The following NEIL1 variants were observed in gnomAD, a reference collection of about 807,000 sequenced individuals.
NEIL1 encodes nei like DNA glycosylase 1.
In NEIL1, 31 loss-of-function variants were observed where a neutral mutation model predicts 44.2. The ratio of observed to expected loss-of-function variants is 0.70; its 90% CI spans 0.53 to 0.95. The LOEUF is 0.95. NEIL1 is among the 40% of genes least tolerant of loss of function. The probability of loss-of-function intolerance (pLI) is 0.00; values close to 1 mark genes in which losing one functional copy is unlikely to be tolerated. For synonymous variants in NEIL1, 254 were observed against 209.7 expected, an observed-to-expected ratio of 1.21 and a Z score of -1.83; for missense variants, 549 against 515.5, an observed-to-expected ratio of 1.07 and a Z score of -0.63.
rs1477522859 is a variant in NEIL1, at chr15:75,355,064, T to C, written c.*30T>C. 1.2e-6 allele frequency: 2 copies of C among 1,601,280 alleles called. No homozygotes were observed. Among genetic ancestry groups the C allele is most frequent in the South Asian group, 2.2e-5 (2 of 89,880 alleles). The stretch of plus-strand genomic sequence containing the variant: ...AGGCTCTCCTTGCTTGCACTCACCC[T>C]TTCTTATTGTCTTGCCCTGCATCTG... On this transcript the variant is annotated 3_prime_UTR_variant, in exon 10 of 10. Coordinates refer to ENST00000355059, the MANE Select transcript of NEIL1 (RefSeq NM_024608.4).
rs2071671103 is a variant in NEIL1 at position 75,349,090 on chromosome 15, C to A, written c.185C>A (p.Pro62His). The A allele has an allele frequency of 1.9e-6, 3 of 1,612,720 alleles. No homozygotes were observed. The South Asian group carries it at 3.3e-5, about 18-fold the overall frequency. ...AAGGAGCTGCGCCTGATACTGAGCC[C>A]TCTGCCTGGGGCCCAGCCCCAACAG... ...RGKELRLILS[P>H]LPGAQPQQEP... The change falls in exon 2 of 10, where the codon CCT becomes CAT. Residue 62 changes from proline (P) to histidine (H), a missense_variant. Physicochemically the swap from Pro to His is moderately conservative, Grantham distance 77. Transcript: ENST00000355059.
rs200137541 is a variant in NEIL1 at position 75,356,704 on chromosome 15, G to C, written c.*1670G>C. ...CCGCAAGCTGGGGTGAGGAGGGCGC[G>C]TAGGGGCCACGCTGAAGCTGTTGGA... On this transcript the variant is annotated 3_prime_UTR_variant, in exon 10 of 10. Coordinates refer to ENST00000355059, the MANE Select transcript of NEIL1 (RefSeq NM_024608.4). The surrounding 1 kb of genome is among the most constrained non-coding windows in gnomAD (Gnocchi z 5.8). The C allele has an allele frequency of 6.2e-7, 1 of 1,608,810 alleles. No homozygotes were observed. The highest frequency in any genetic ancestry group is 1.7e-5 in the Admixed American group (1 of 59,130).
At position 75,354,961 on chromosome 15, in the gene NEIL1, C is replaced by A. The variant is rs1319150570; in HGVS notation, c.1103-3C>A. On this transcript the variant is annotated splice_region_variant and splice_polypyrimidine_tract_variant and intron_variant, in intron 9 of 9. Coordinates refer to ENST00000355059, the MANE Select transcript of NEIL1 (RefSeq NM_024608.4). ...CTGACCATCTTGCCTGTTCTTCCCC[C>A]AGGCCACTGCAGACCCCGGAAGGTC... is the stretch of plus-strand genomic sequence containing the variant. The A allele has an allele frequency of 6.2e-7, 1 of 1,614,090 alleles. No homozygotes were observed. Among genetic ancestry groups the A allele is most frequent in the Admixed American group, 1.7e-5 (1 of 60,020 alleles).
chr15:75,348,501 A>G, intron 1 of NEIL1: 1 of 1,060,658 alleles, frequency 9.4e-7, no homozygotes, highest in South Asian at 3.3e-5. Context: ...GTCTCCCTCA[A>G]GTGTCTGGGA....
intron 2 of NEIL1, chr15:75,349,836 TG>T (rs1158280894): frequency 6.2e-6 from 1 of 161,102 alleles, no homozygotes; most frequent in African/African-American, 2.4e-5. Context: ...TAATAATAAC[TG>T]ATGGGGGAGG....
At chr15:75,351,001 G>C (rs909635689) in intron 2 of NEIL1, among the ~76,000 whole-genome samples, 2 of 152,168 alleles carry the variant, frequency 1.3e-5, no homozygotes, top group African/African-American at 4.8e-5. Flanking sequence ...ACGGTGAGGA[G>C]GGGAGACCCA....
rs8030014 is a variant in NEIL1, at chr15:75,348,228, A to G, written c.-22-656A>G. 0.47 allele frequency: 375,308 copies of G among 801,326 alleles called. 89,813 individuals carry two copies. The highest frequency in any genetic ancestry group is 0.55 in the Admixed American group (8,898 of 16,072). The allele number at this position is 801,326 out of a possible 1,614,324, so 49.6% of individuals were successfully genotyped here. On this transcript the variant is annotated intron_variant, in intron 1 of 9. Transcript: ENST00000355059. ...CCCTGACCCGGGGGCGGCCGCGGGG[A>G]TGTCCGGTCCGTGGGGCAGGCCCGG... is the stretch of plus-strand genomic sequence containing the variant.
chr15:75,356,879 A>T lies in NEIL1; in HGVS notation c.*1845A>T. 2 of 1,613,790 alleles carry T rather than the reference A, an allele frequency of 1.2e-6. No individual in the cohort carries two copies. The highest frequency in any genetic ancestry group is 1.7e-6 in the Non-Finnish European group (2 of 1,179,738). ...CCAGCCCAAAGCCGTGTTCTGACAG[A>T]TCCATCCAGCGATGGGCCCACACCT... On this transcript the variant is annotated 3_prime_UTR_variant, in exon 10 of 10. Transcript: ENST00000355059. This position sits in a 1 kb window ranked among gnomAD's most constrained non-coding sequence, Gnocchi z 5.8.
chr15:75,348,982 G>T lies in NEIL1; in HGVS notation c.77G>T (p.Cys26Phe), dbSNP rs748859174. 1.9e-6 allele frequency: 3 copies of T among 1,613,702 alleles called. No individual in the cohort carries two copies. The highest frequency in any genetic ancestry group is 2.5e-6 in the Non-Finnish European group (3 of 1,180,040). The part of the protein sequence containing the change: ...EACRALVFGG[C>F]VEKSSVSRNP... ...TGCAGGGCGCTGGTGTTCGGCGGCT[G>T]CGTGGAGAAGTCCTCTGTCAGCCGC... Residue 26 changes from cysteine to phenylalanine, a missense_variant, in exon 2 of 10, where the codon TGC (cysteine) becomes TTC (phenylalanine). Physicochemically the swap from Cys to Phe is radical, Grantham distance 205. Coordinates refer to ENST00000355059, the MANE Select transcript of NEIL1 (RefSeq NM_024608.4).
chr15:75,352,319 T>C lies in NEIL1; in HGVS notation c.555-5T>C. ...CTAGCATGGCTTGCCTTGCCCCCAC[T>C]ACAGGCTGAAGATCCCCCCCTTTGA... On this transcript the variant is annotated splice_region_variant and splice_polypyrimidine_tract_variant and intron_variant, in intron 3 of 9. Coordinates refer to ENST00000355059, the MANE Select transcript of NEIL1 (RefSeq NM_024608.4). 1.2e-6 allele frequency: 2 copies of C among 1,614,098 alleles called. No homozygotes were observed. The highest frequency in any genetic ancestry group is 2.2e-5 in the East Asian group (1 of 44,888).
intron 1 of NEIL1, chr15:75,348,387 G>C: frequency 1.0e-6 from 1 of 986,492 alleles, no homozygotes; most frequent in Admixed American, 6.0e-5. Context: ...GGGGCGCAGG[G>C]AGGGGCGGCC....
Position 75,349,253 on chromosome 15 carries a change from C to T in NEIL1, c.348C>T (p.Asp116=), listed in dbSNP as rs572495953. Residue 116 remains aspartate, a synonymous_variant, in exon 2 of 10, where the codon GAC becomes GAT. Coordinates refer to ENST00000355059, the MANE Select transcript of NEIL1 (RefSeq NM_024608.4). The part of the protein sequence containing the change: ...PGPRLALCFV[D]IRRFGRWDLG... ...CCCGGCTCGCCCTATGTTTCGTGGACATCCGCCGGTTCGGCCGCTGGGACC... is the reference window on the plus strand; with the variant it reads ...CCCGGCTCGCCCTATGTTTCGTGGATATCCGCCGGTTCGGCCGCTGGGACC... 32 of 1,611,316 alleles carry T rather than the reference C, an allele frequency of 2.0e-5. No individual in the cohort carries two copies. The East Asian group carries it at 5.1e-4, about 26-fold the overall frequency.
Position 75,354,445 on chromosome 15 carries a change from A to C in NEIL1, c.889A>C (p.Lys297Gln). Residue 297 changes from lysine to glutamine, a missense_variant, in exon 8 of 10, where the codon AAA (lysine) becomes CAA (glutamine). Physicochemically the swap from Lys to Gln is moderately conservative, Grantham distance 53. Coordinates refer to ENST00000355059, the MANE Select transcript of NEIL1 (RefSeq NM_024608.4). ...PLAPKGRKSR[K>Q]KKSKATQLSP... ...GTGTCCTGCAGGGCGCAAGTCCCGC[A>C]AAAAGAAATCCAAGGCCACACAGCT... The C allele has an allele frequency of 6.2e-7, 1 of 1,614,176 alleles. No homozygotes were observed. Among genetic ancestry groups the C allele is most frequent in the South Asian group, 1.1e-5 (1 of 91,082 alleles).
chr15:75,353,840 C>A lies in NEIL1; in HGVS notation c.820C>A (p.Arg274=), dbSNP rs546766751. ...GMPGMSSLQD[R]HGRTIWFQGD... is the part of the protein sequence containing the mutation. Reference sequence around the variant, plus strand: ...GCCAGGCATGAGCTCCCTGCAGGACCGGCATGGCCGTACCATCTGGTTCCA... The same window carrying A: ...GCCAGGCATGAGCTCCCTGCAGGACAGGCATGGCCGTACCATCTGGTTCCA... The change falls in exon 6 of 10, where the codon CGG becomes AGG. Residue 274 remains arginine, a synonymous_variant. Coordinates refer to ENST00000355059, the MANE Select transcript of NEIL1 (RefSeq NM_024608.4). 6.2e-7 allele frequency: 1 copy of A among 1,613,320 alleles called. No homozygotes were observed. The highest frequency in any genetic ancestry group is 8.5e-7 in the Non-Finnish European group (1 of 1,180,016).
rs1478689242 is a variant in NEIL1 at position 75,355,052 on chromosome 15, T to C, written c.*18T>C. Reference sequence around the variant, plus strand: ...CCTCTTAGCAGGAGGCTCTCCTTGCTTGCACTCACCCTTTCTTATTGTCTT... The same window carrying C: ...CCTCTTAGCAGGAGGCTCTCCTTGCCTGCACTCACCCTTTCTTATTGTCTT... On this transcript the variant is annotated 3_prime_UTR_variant, in exon 10 of 10. Coordinates refer to ENST00000355059, the MANE Select transcript of NEIL1 (RefSeq NM_024608.4). 6 of 1,610,400 alleles carry C rather than the reference T, an allele frequency of 3.7e-6. No homozygotes were observed. The highest frequency in any genetic ancestry group is 1.1e-5 in the South Asian group (1 of 90,624).
At chr15:75,352,846 A>C in intron 5 of NEIL1, 145 bp downstream of exon 5, 1 of 686,916 alleles carries the variant, frequency 1.5e-6, no homozygotes, top group South Asian at 1.7e-5. Flanking sequence ...TCACTTGTCA[A>C]TAGTGTTTCC....
At chr15:75,353,327 A>G in intron 5 of NEIL1, 2 of 296,022 alleles carry the variant, frequency 6.8e-6, no homozygotes, top group Admixed American at 8.1e-5. Flanking sequence ...GGCTCAAGTG[A>G]TCCTCCCACA....
chr15:75,353,701 C>G, intron 5 of NEIL1, 38 bp from the exon 6 acceptor site: 1 of 1,613,106 alleles, frequency 6.2e-7, no homozygotes, highest in South Asian at 1.1e-5. Context: ...CCAACCTGAG[C>G]CTGCCCTCTG....
Position 75,355,142 on chromosome 15 carries a change from C to T in NEIL1, c.*108C>T, listed in dbSNP as rs542592584. ...TATCTGAAGGTGCAAACAGGCCCTA[C>T]GGCTGTTCCCTGCACAACTCTCATG... On this transcript the variant is annotated 3_prime_UTR_variant, in exon 10 of 10. Transcript: ENST00000355059. The T allele has an allele frequency of 8.4e-5, 70 of 835,874 alleles. No homozygotes were observed. The highest frequency in any genetic ancestry group is 5.6e-4 in the African/African-American group (33 of 58,638). 51.8% of individuals were successfully genotyped at this position (835,874 alleles called of 1,614,324 possible).
Sources: allele counts gnomAD v4.1 joint callset (sites outside exome capture counted in the v4.1 genomes callset), GRCh38; gene constraint gnomAD v4.1.1; non-coding constraint Gnocchi (gnomAD v3.1); transcripts MANE v1.5; gene names NCBI Gene and HGNC (gene_info 2026-07-23, HGNC 2026-07-21).